TMPRSS11E: variants seen among roughly 807,000 people sequenced by gnomAD.
TMPRSS11E encodes the protein transmembrane protease serine 11E.
In TMPRSS11E, 38 loss-of-function variants were observed where a neutral mutation model predicts 48.1. The observed-to-expected ratio is 0.79, with a 90% CI of 0.61 to 1.04. The LOEUF is 1.04. TMPRSS11E is among the 50% of genes least tolerant of loss of function. The probability of loss-of-function intolerance (pLI) is 0.00; values close to 1 mark genes in which losing one functional copy is unlikely to be tolerated. For synonymous variants in TMPRSS11E, 158 were observed against 171.9 expected (o/e 0.92, Z 0.63); for missense variants, 530 against 510.8 (o/e 1.04, Z -0.36).
intron 1 of TMPRSS11E, among the ~76,000 whole-genome samples, chr4:68,460,745 A>G (rs912389491): frequency 6.6e-6 from 1 of 152,212 alleles, no homozygotes; most frequent in Admixed American, 6.5e-5. Flanking sequence ...TTGCTTACCA[A>G]ATATTATAAC....
chr4:68,456,607 C>T (rs966128177), intron 1 of TMPRSS11E, among the ~76,000 whole-genome samples: 2 of 151,996 alleles, frequency 1.3e-5, no homozygotes, highest in African/African-American at 4.8e-5. Context: ...TTGGGCTTTT[C>T]ACAAAGTAAA....
intron 3 of TMPRSS11E, among the ~76,000 whole-genome samples, chr4:68,467,918 A>C (rs1468137960): frequency 6.6e-6 from 1 of 152,164 alleles, no homozygotes; most frequent in African/African-American, 2.4e-5. Context: ...ATTTAAGTAA[A>C]TAAAATCCAG....
intron 1 of TMPRSS11E, among the ~76,000 whole-genome samples, chr4:68,453,285 A>G (rs1728545864): frequency 6.6e-6 from 1 of 151,948 alleles, no homozygotes; most frequent in Non-Finnish European, 1.5e-5. Context: ...TCTTATCATT[A>G]TCTCCATTTG....
chr4:68,456,322 T>G (rs554552720), intron 1 of TMPRSS11E, among the ~76,000 whole-genome samples: 5 of 152,036 alleles, frequency 3.3e-5, no homozygotes, highest in Non-Finnish European at 7.4e-5. Flanking sequence ...TGGTAGGGAA[T>G]GCAAACATTG....
chr4:68,478,727 T>G, intron 8 of TMPRSS11E, 122 bp from the exon 9 acceptor site: 1 of 1,027,754 alleles, frequency 9.7e-7, no homozygotes, highest in Non-Finnish European at 1.4e-6. Context: ...AGTGCTGGGA[T>G]TACTGGCGTT....
intron 9 of TMPRSS11E, among the ~76,000 whole-genome samples, chr4:68,480,961 C>G (rs1320339800): frequency 6.6e-6 from 1 of 152,140 alleles, no homozygotes; most frequent in African/African-American, 2.4e-5. Context: ...CTCCCACCCT[C>G]AACCCTCAAG....
chr4:68,479,021 G>T, intron 9 of TMPRSS11E, 30 bp downstream of exon 9: 1 of 1,603,964 alleles, frequency 6.2e-7, no homozygotes. Context: ...AGTAGGTTGT[G>T]TAATTTTTTG....
intron 4 of TMPRSS11E, 100 bp downstream of exon 4, chr4:68,469,046 C>A: frequency 1.0e-6 from 1 of 976,502 alleles, no homozygotes; most frequent in Non-Finnish European, 1.6e-6. Flanking sequence ...TAATTCAATC[C>A]AACAAACATT....
rs1423068442 is a variant in TMPRSS11E at position 68,478,879 on chromosome 4, A to G, written c.998A>G (p.Gln333Arg). The G allele has an allele frequency of 6.2e-7, 1 of 1,614,078 alleles. No individual in the cohort carries two copies. Among genetic ancestry groups the G allele is most frequent in the Non-Finnish European group, 8.5e-7 (1 of 1,179,962 alleles). Residue 333 changes from glutamine (Q) to arginine (R), a missense_variant, in exon 9 of 10, where the codon CAG (glutamine) becomes CGG (arginine). Physicochemically the swap from Gln to Arg is conservative, Grantham distance 43. Coordinates refer to ENST00000305363, the MANE Select transcript of TMPRSS11E (RefSeq NM_014058.4). ...AGTCAAAATCATCTTCGACAAGCACAGGTGACTCTCATAGACGCTACAACT... is the reference window on the plus strand; with the variant it reads ...AGTCAAAATCATCTTCGACAAGCACGGGTGACTCTCATAGACGCTACAACT... ...GYSQNHLRQA[Q>R]VTLIDATTCN... is the part of the protein sequence containing the mutation.
At chr4:68,488,960 T>C (rs34248556) in intron 9 of TMPRSS11E, among the ~76,000 whole-genome samples, 77,217 of 152,110 alleles carry the variant, frequency 0.51, 21,806 homozygotes, top group Non-Finnish European at 0.65. Context: ...CATTGACATC[T>C]GTATTCTGAA....
Position 68,478,831 on chromosome 4 carries a change from G to A in TMPRSS11E, c.968-18G>A. On this transcript the variant is annotated intron_variant, in intron 8 of 9. Transcript: ENST00000305363. ...ATATATGTATGTCTACAAATACAAA[G>A]ACTTTTTTTTCTTTTAGGTTACAGT... 6.2e-7 allele frequency: 1 copy of A among 1,610,310 alleles called. No individual in the cohort carries two copies. Among genetic ancestry groups the A allele is most frequent in the Non-Finnish European group, 8.5e-7 (1 of 1,178,892 alleles).
At chr4:68,469,907 T>A (rs545501616) in intron 4 of TMPRSS11E, among the ~76,000 whole-genome samples, 1 of 151,962 alleles carries the variant, frequency 6.6e-6, no homozygotes, top group Non-Finnish European at 1.5e-5. Context: ...TCATACTTTA[T>A]GAATAACTAA....
chr4:68,476,053 A>C (rs1404763141), intron 6 of TMPRSS11E, among the ~76,000 whole-genome samples: 2 of 152,206 alleles, frequency 1.3e-5, no homozygotes, highest in African/African-American at 2.4e-5. Flanking sequence ...CATCCTAGAG[A>C]GGTAACAACT....
At chr4:68,450,418 A>C (rs1234297361) in intron 1 of TMPRSS11E, among the ~76,000 whole-genome samples, 1 of 151,946 alleles carries the variant, frequency 6.6e-6, no homozygotes, top group Admixed American at 6.6e-5. Flanking sequence ...TCGAATCTAG[A>C]ATCTAATTCT....
At chr4:68,457,466 A>G (rs1728664975) in intron 1 of TMPRSS11E, among the ~76,000 whole-genome samples, 1 of 152,152 alleles carries the variant, frequency 6.6e-6, no homozygotes, top group South Asian at 2.1e-4. Flanking sequence ...AAATTAGTTC[A>G]ACCATTGTGG....
intron 5 of TMPRSS11E, among the ~76,000 whole-genome samples, chr4:68,472,945 G>A (rs535270388): frequency 1.3e-5 from 2 of 152,118 alleles, no homozygotes; most frequent in South Asian, 2.1e-4. Flanking sequence ...ATCATGCAAT[G>A]TCGATATAAA....
rs768424927 is a variant in TMPRSS11E, at chr4:68,468,925, A to T, written c.305A>T (p.Lys102Met). The change falls in exon 4 of 10, where the codon AAG becomes ATG. Residue 102 changes from lysine (K) to methionine (M), a missense_variant. Transcript: ENST00000305363. ...YKSPLREEFVKSQVIKFSQQK... is the reference protein window; with the variant it reads ...YKSPLREEFVMSQVIKFSQQK... ...TCTCCATTAAGGGAAGAATTTGTCA[A>T]GTCTCAGGTTATCAAGTTCAGGTAT... The T allele has an allele frequency of 1.2e-6, 2 of 1,611,608 alleles. No homozygotes were observed. The highest frequency in any genetic ancestry group is 1.7e-6 in the Non-Finnish European group (2 of 1,178,120).
chr4:68,475,454 T>C (rs1729185682), intron 6 of TMPRSS11E, among the ~76,000 whole-genome samples: 1 of 152,146 alleles, frequency 6.6e-6, no homozygotes, highest in African/African-American at 2.4e-5. Flanking sequence ...AGTTGGTTAA[T>C]TTCTAAAATC....
chr4:68,496,959 C>T lies in TMPRSS11E; in HGVS notation c.*155C>T, dbSNP rs1729888749. ...CTTGATGCATGTATTTTCTTCCCAG[C>T]TCTGTTCCGCACATAAGCATCCTGC... On this transcript the variant is annotated 3_prime_UTR_variant, in exon 10 of 10. Transcript: ENST00000305363. 3 of 759,920 alleles carry T rather than the reference C, an allele frequency of 3.9e-6. No individual in the cohort carries two copies. Among genetic ancestry groups the T allele is most frequent in the Non-Finnish European group, 6.5e-6 (3 of 463,062 alleles). The allele number at this position is 759,920 out of a possible 1,614,324, so 47.1% of individuals were successfully genotyped here. A position where few individuals can be genotyped will look rare whatever the true frequency, so the allele number is the denominator to read the frequency against.
Sources: allele counts gnomAD v4.1 joint callset (sites outside exome capture counted in the v4.1 genomes callset), GRCh38; gene constraint gnomAD v4.1.1; transcripts MANE v1.5; gene names NCBI Gene and HGNC (gene_info 2026-07-23, HGNC 2026-07-21).